PIP5K1A: variants seen among roughly 807,000 people sequenced by gnomAD.
The protein encoded by PIP5K1A is phosphatidylinositol-4-phosphate 5-kinase type 1 alpha.
Under a neutral mutation model 72.9 loss-of-function variants are expected in PIP5K1A, and 46 were observed. The observed-to-expected ratio is 0.63, with a 90% CI of 0.50 to 0.81. PIP5K1A has a LOEUF of 0.81. PIP5K1A is among the 30% of genes least tolerant of loss of function. PIP5K1A has a pLI of 0.00. For synonymous variants in PIP5K1A, 228 were observed against 255.1 expected (o/e 0.89, Z 1.01); for missense variants, 458 against 706.1 (o/e 0.65, Z 3.98).
At chr1:151,220,522 C>T (rs1429821696) in intron 1 of PIP5K1A, among the ~76,000 whole-genome samples, 2 of 151,796 alleles carry the variant, frequency 1.3e-5, no homozygotes, top group East Asian at 1.9e-4. Context: ...GGCAGGAGTG[C>T]GATGGTGCGA....
Position 151,236,832 on chromosome 1 carries a change from T to TC in PIP5K1A, c.1145+69_1145+70insC. The TC allele has an allele frequency of 3.7e-6, 4 of 1,089,652 alleles. No homozygotes were observed. The African/African-American group carries it at 4.9e-5, about 13-fold the overall frequency. The allele number at this position is 1,089,652 out of a possible 1,614,324, so 67.5% of individuals were successfully genotyped here. On this transcript the variant is annotated intron_variant, in intron 9 of 15. Coordinates refer to ENST00000368888, the MANE Select transcript of PIP5K1A (RefSeq NM_001135638.2). Reference sequence around the variant, plus strand: ...AGCACTTTTCTTTTCTTTTTTTTTTTTTTTTTTTTTTAGTTTCACTCTTGT... The same window carrying TC: ...AGCACTTTTCTTTTCTTTTTTTTTTTCTTTTTTTTTTTAGTTTCACTCTTGT...
intron 1 of PIP5K1A, among the ~76,000 whole-genome samples, chr1:151,208,554 T>C (rs764450737): frequency 3.3e-5 from 5 of 150,586 alleles, no homozygotes; most frequent in Non-Finnish European, 5.9e-5. Context: ...AGAGACGGGG[T>C]TTCACCATGT....
At chr1:151,228,779 A>G (rs939204753) in intron 4 of PIP5K1A, among the ~76,000 whole-genome samples, 6 of 151,992 alleles carry the variant, frequency 3.9e-5, no homozygotes, top group Non-Finnish European at 8.8e-5. Context: ...TCTCTATTTC[A>G]TTGTCCCAAG....
chr1:151,236,308 C>G (rs778214109), intron 8 of PIP5K1A, among the ~76,000 whole-genome samples: 1 of 151,238 alleles, frequency 6.6e-6, no homozygotes, highest in Non-Finnish European at 1.5e-5. Context: ...GTGAAACCGT[C>G]TCTATGAAAA....
intron 1 of PIP5K1A, among the ~76,000 whole-genome samples, chr1:151,203,458 G>T (rs1199750425): frequency 1.3e-5 from 2 of 150,944 alleles, no homozygotes; most frequent in Non-Finnish European, 2.9e-5. Context: ...GAACCCGGGG[G>T]ACAGAGGTTG....
intron 1 of PIP5K1A, among the ~76,000 whole-genome samples, chr1:151,211,700 G>A (rs1397066789): frequency 6.6e-6 from 1 of 151,594 alleles, no homozygotes; most frequent in African/African-American, 2.4e-5. Context: ...CAGCTGCTCG[G>A]GAGGCTGAGG....
At chr1:151,243,058 A>T (rs756263364) in intron 14 of PIP5K1A, among the ~76,000 whole-genome samples, 14 of 152,220 alleles carry the variant, frequency 9.2e-5, no homozygotes, top group Non-Finnish European at 1.9e-4. Flanking sequence ...CTCAGAATTG[A>T]CATTCTACTT....
At chr1:151,221,621 C>T (rs1688409548) in intron 1 of PIP5K1A, among the ~76,000 whole-genome samples, 2 of 152,158 alleles carry the variant, frequency 1.3e-5, no homozygotes, top group African/African-American at 4.8e-5. Flanking sequence ...TGTTGTTTCC[C>T]TGCCCAAAAA....
intron 1 of PIP5K1A, among the ~76,000 whole-genome samples, chr1:151,222,223 T>A (rs751716335): frequency 2.0e-5 from 3 of 152,246 alleles, no homozygotes; most frequent in Non-Finnish European, 2.9e-5. Context: ...GAGAAGGTTT[T>A]GTGTCCTGAT....
intron 3 of PIP5K1A, among the ~76,000 whole-genome samples, chr1:151,225,004 T>A (rs937307098): frequency 1.3e-5 from 2 of 152,144 alleles, no homozygotes; most frequent in Non-Finnish European, 2.9e-5. Context: ...CTAAGGGCCT[T>A]GGCTAAAAGA....
intron 1 of PIP5K1A, among the ~76,000 whole-genome samples, chr1:151,201,819 A>G (rs12080778): frequency 0.67 from 101,855 of 151,556 alleles, 34,469 homozygotes; most frequent in Non-Finnish European, 0.71. Context: ...CCGAGATCAC[A>G]CCACTGCACT....
intron 1 of PIP5K1A, among the ~76,000 whole-genome samples, chr1:151,202,772 A>G (rs1215178550): frequency 3.4e-5 from 5 of 146,908 alleles, no homozygotes; most frequent in African/African-American, 7.6e-5. Context: ...CCCTGCCAGT[A>G]AAGTCTTTTT....
chr1:151,216,555 C>G (rs1404685569), intron 1 of PIP5K1A, among the ~76,000 whole-genome samples: 1 of 152,070 alleles, frequency 6.6e-6, no homozygotes, highest in Non-Finnish European at 1.5e-5. Context: ...CCTTTTCTCT[C>G]CCTTGAAATT....
At position 151,199,008 on chromosome 1, in the gene PIP5K1A, C is replaced by G; in HGVS notation, c.12C>G (p.Ala4=). 1.2e-6 allele frequency: 2 copies of G among 1,614,126 alleles called. No individual in the cohort carries two copies. Among genetic ancestry groups the G allele is most frequent in the Non-Finnish European group, 1.7e-6 (2 of 1,180,004 alleles). ...AGGGGGCTGCTAAGATGGCGTCGGC[C>G]TCCTCCGGGCCGTCGTCTTCGGTCG... MAS[A]SSGPSSSVGF... is the part of the protein sequence containing the mutation. The change falls in exon 1 of 16, where the codon GCC becomes GCG. Residue 4 remains alanine, a synonymous_variant. Transcript: ENST00000368888.
At chr1:151,197,073 G>C (rs1684618110), upstream of PIP5K1A, among the ~76,000 whole-genome samples, 1 of 150,462 alleles carries the variant, frequency 6.6e-6, no homozygotes, top group Non-Finnish European at 1.5e-5. Context: ...TGTTGGCCAG[G>C]CTTGTCTCGT....
rs199497446 is a variant in PIP5K1A, at chr1:151,224,397, C to T, written c.147C>T (p.Tyr49=). 511 of 1,598,900 alleles carry T rather than the reference C, an allele frequency of 3.2e-4. No individual in the cohort carries two copies. Among genetic ancestry groups the T allele is most frequent in the Admixed American group, 9.8e-4 (59 of 59,966 alleles). ...SEVLEARQDS[Y]ISLVPYASGM... Reference sequence around the variant, plus strand: ...TCTTGGAAGCTAGACAGGATTCTTACATCTCATTGGTAGGCTAGAAATTAT... The same window carrying T: ...TCTTGGAAGCTAGACAGGATTCTTATATCTCATTGGTAGGCTAGAAATTAT... Residue 49 remains tyrosine (Y), a synonymous_variant, in exon 3 of 16, where the codon TAC becomes TAT. Transcript: ENST00000368888.
At chr1:151,222,609 C>T (rs1002135484) in intron 1 of PIP5K1A, among the ~76,000 whole-genome samples, 1 of 152,166 alleles carries the variant, frequency 6.6e-6, no homozygotes, top group African/African-American at 2.4e-5. Flanking sequence ...AGACTAGAAG[C>T]AGATGCTGGC....
chr1:151,199,169 A>G, intron 1 of PIP5K1A, 88 bp downstream of exon 1: 2 of 1,603,604 alleles, frequency 1.2e-6, no homozygotes, highest in South Asian at 2.2e-5. Flanking sequence ...TGTAGCTGGG[A>G]ATGTCCTACG....
chr1:151,246,880 A>G (rs1310295180), intron 14 of PIP5K1A, 40 bp from the exon 15 acceptor site: 4 of 1,520,094 alleles, frequency 2.6e-6, no homozygotes, highest in Non-Finnish European at 3.7e-6. Context: ...TTGTCTTCTA[A>G]TTCTTTTTCT....
Sources: allele counts gnomAD v4.1 joint callset (sites outside exome capture counted in the v4.1 genomes callset), GRCh38; gene constraint gnomAD v4.1.1; transcripts MANE v1.5; gene names NCBI Gene and HGNC (gene_info 2026-07-23, HGNC 2026-07-21).